OPCML: variants seen among roughly 807,000 people sequenced by gnomAD.
OPCML encodes opioid-binding protein/cell adhesion molecule.
In OPCML, 13 loss-of-function variants were observed where a neutral mutation model predicts 37.8. The observed-to-expected ratio is 0.34, with a 90% CI of 0.22 to 0.55. OPCML has a LOEUF of 0.55. Among genes scored for constraint, OPCML ranks in the 20% least tolerant of loss-of-function variants. OPCML has a pLI of 0.91. For synonymous variants in OPCML, 176 were observed against 168.8 expected (o/e 1.04, Z -0.33); for missense variants, 341 against 435.6 (o/e 0.78, Z 1.93).
At chr11:133,337,331 T>C (rs1235726253) in intron 1 of OPCML, among the ~76,000 whole-genome samples, 1 of 152,186 alleles carries the variant, frequency 6.6e-6, no homozygotes, top group Non-Finnish European at 1.5e-5. Flanking sequence ...CCCACTCACC[T>C]ACAGTGCTGC....
At chr11:132,937,555 T>A (rs915799658) in intron 2 of OPCML, among the ~76,000 whole-genome samples, 22 of 149,578 alleles carry the variant, frequency 1.5e-4, no homozygotes, top group Admixed American at 3.3e-4. Context: ...GTGTGGAGTG[T>A]GTGTGTGTCG....
intron 1 of OPCML, among the ~76,000 whole-genome samples, chr11:133,235,898 A>T (rs948510191): frequency 2.6e-5 from 4 of 152,334 alleles, no homozygotes; most frequent in African/African-American, 7.2e-5. Flanking sequence ...CAAGATTTGC[A>T]TGAAAGCACC....
chr11:133,531,744 G>GGA (rs10567773), intron 1 of OPCML, among the ~76,000 whole-genome samples: 33,899 of 136,932 alleles, frequency 0.25, 4,894 homozygotes, highest in East Asian at 0.48. Flanking sequence ...AGGTGGAGAG[G>GGA]GAGAGAGAGA....
intron 2 of OPCML, among the ~76,000 whole-genome samples, chr11:132,877,332 A>G (rs1943058851): frequency 1.3e-5 from 2 of 152,182 alleles, no homozygotes; most frequent in African/African-American, 4.8e-5. Flanking sequence ...GAATAAGGGT[A>G]AAAGAAAAGG....
At chr11:132,759,207 T>G (rs895434738) in intron 2 of OPCML, among the ~76,000 whole-genome samples, 2 of 152,184 alleles carry the variant, frequency 1.3e-5, no homozygotes, top group Non-Finnish European at 2.9e-5. Flanking sequence ...TTTGCCAGTA[T>G]TTTATTGAGG....
chr11:132,765,961 A>G (rs1946430631), intron 2 of OPCML, among the ~76,000 whole-genome samples: 1 of 152,220 alleles, frequency 6.6e-6, no homozygotes, highest in Admixed American at 6.5e-5. Flanking sequence ...AATAATGAGC[A>G]CACATCAAAA....
chr11:133,165,531 G>A (rs1032978723), intron 1 of OPCML, among the ~76,000 whole-genome samples: 29 of 152,112 alleles, frequency 1.9e-4, no homozygotes, highest in African/African-American at 6.5e-4. Flanking sequence ...CTAGGGCCTT[G>A]ATACTTCCCA....
intron 2 of OPCML, among the ~76,000 whole-genome samples, chr11:132,691,383 A>T (rs989504100): frequency 7.9e-5 from 12 of 152,192 alleles, no homozygotes; most frequent in Admixed American, 7.9e-4. Context: ...ATTGCAGAAA[A>T]ATAATGGTCT....
At chr11:132,480,057 G>A (rs373991502) in intron 4 of OPCML, among the ~76,000 whole-genome samples, 4 of 152,118 alleles carry the variant, frequency 2.6e-5, no homozygotes, top group East Asian at 1.9e-4. Context: ...GGCTTCAGAC[G>A]ATCAAATTAC....
intron 1 of OPCML, among the ~76,000 whole-genome samples, chr11:133,377,422 G>A (rs1336142819): frequency 1.3e-5 from 2 of 151,788 alleles, no homozygotes; most frequent in Non-Finnish European, 1.5e-5. Context: ...GAGTTTTGCC[G>A]ATTGAAGATA....
intron 1 of OPCML, among the ~76,000 whole-genome samples, chr11:133,398,766 T>G (rs979901930): frequency 7.9e-5 from 12 of 152,118 alleles, no homozygotes; most frequent in African/African-American, 2.9e-4. Flanking sequence ...CAACCAGGCC[T>G]CCTTCACCCA....
chr11:132,910,260 AGGGGGCCTCAGCACATATTCG>A (rs1565956255), intron 2 of OPCML, among the ~76,000 whole-genome samples: 2 of 145,764 alleles, frequency 1.4e-5, no homozygotes, highest in African/African-American at 5.2e-5. Flanking sequence ...GGCTGGGGGT[AGGGGGCCTCAGCACATATTCG>A]CCGGCCATTA....
chr11:133,202,691 T>A (rs1938850624), intron 1 of OPCML, among the ~76,000 whole-genome samples: 1 of 152,218 alleles, frequency 6.6e-6, no homozygotes, highest in Admixed American at 6.5e-5. Flanking sequence ...CCCTGCAAGT[T>A]AGGCCCCAAT....
chr11:132,696,932 C>T (rs979836922), intron 2 of OPCML, among the ~76,000 whole-genome samples: 3 of 152,154 alleles, frequency 2.0e-5, no homozygotes, highest in African/African-American at 4.8e-5. Context: ...ACAGATACAT[C>T]ACTGTGAAAT....
chr11:132,441,455 A>T (rs1242648911), intron 4 of OPCML, among the ~76,000 whole-genome samples: 1 of 152,092 alleles, frequency 6.6e-6, no homozygotes, highest in African/African-American at 2.4e-5. Context: ...GGCGTGAGCC[A>T]CCGCGCCCGG....
chr11:133,281,288 T>C (rs1942148065), intron 1 of OPCML, among the ~76,000 whole-genome samples: 1 of 152,146 alleles, frequency 6.6e-6, no homozygotes, highest in South Asian at 2.1e-4. Context: ...TGAGGATAGA[T>C]CCCTCATGAA....
chr11:132,999,674 C>T (rs1946959214), intron 1 of OPCML, among the ~76,000 whole-genome samples: 1 of 152,092 alleles, frequency 6.6e-6, no homozygotes. Flanking sequence ...GTGGTACAGC[C>T]AGAGGCGGCC....
At chr11:133,350,288 T>C (rs1290884733) in intron 1 of OPCML, among the ~76,000 whole-genome samples, 2 of 152,222 alleles carry the variant, frequency 1.3e-5, no homozygotes, top group African/African-American at 4.8e-5. Context: ...GAACACTGCC[T>C]GGTGACAGGT....
At chr11:132,503,719 AG>A (rs1468813878) in intron 4 of OPCML, among the ~76,000 whole-genome samples, 2 of 152,212 alleles carry the variant, frequency 1.3e-5, no homozygotes, top group African/African-American at 4.8e-5. Flanking sequence ...ATGAAGACAA[AG>A]GATGCTAGTT....
Sources: allele counts gnomAD v4.1 joint callset (sites outside exome capture counted in the v4.1 genomes callset), GRCh38; gene constraint gnomAD v4.1.1; transcripts MANE v1.5; gene names NCBI Gene and HGNC (gene_info 2026-07-23, HGNC 2026-07-21).